Variants in GABRG3 observed in about 807,000 individuals in gnomAD.
GABRG3 encodes the protein gamma-aminobutyric acid receptor subunit gamma-3.
A neutral mutation model predicts 48.8 loss-of-function variants in GABRG3; 25 were observed. The ratio of observed to expected loss-of-function variants is 0.51; its 90% CI spans 0.37 to 0.72. The LOEUF is 0.72. Ranked by LOEUF, GABRG3 falls within the 30% of genes least tolerant of loss-of-function variation. The pLI is 0.00. For synonymous variants in GABRG3, 227 were observed against 217.6 expected, an observed-to-expected ratio of 1.04 and a Z score of -0.38; for missense variants, 394 against 577.9, an observed-to-expected ratio of 0.68 and a Z score of 3.26.
At chr15:27,433,555 G>A (rs949446528) in intron 5 of GABRG3, among the ~76,000 whole-genome samples, 9 of 152,268 alleles carry the variant, frequency 5.9e-5, no homozygotes, top group East Asian at 1.9e-4. Flanking sequence ...ATTTTCAGAC[G>A]TCTTTACTCT....
intron 3 of GABRG3, among the ~76,000 whole-genome samples, chr15:27,308,533 T>G (rs549312882): frequency 1.4e-5 from 2 of 147,540 alleles, no homozygotes; most frequent in South Asian, 2.2e-4. Context: ...CATGTTTATA[T>G]AAACATATAT....
At position 27,011,584 on chromosome 15, in the gene GABRG3, A is replaced by G. The variant is rs373000381; in HGVS notation, c.203-15170A>G. Among the ~76,000 whole-genome samples the G allele has an allele frequency of 1.4e-4, 22 of 152,118 alleles. No individual in the cohort carries two copies. The East Asian group carries it at 3.1e-3, about 21-fold the overall frequency. On this transcript the variant is annotated intron_variant, in intron 2 of 9. Coordinates refer to ENST00000615808, the MANE Select transcript of GABRG3 (RefSeq NM_033223.5). ...AATTCTAGGCTGGGCGCGGTGGCTC[A>G]CGCCTGTAATCCCAGCACTTTGGGA... is the stretch of plus-strand genomic sequence containing the variant.
chr15:27,022,606 A>G (rs1040158070), intron 2 of GABRG3, among the ~76,000 whole-genome samples: 4 of 152,202 alleles, frequency 2.6e-5, no homozygotes, highest in Non-Finnish European at 5.9e-5. Flanking sequence ...CCTTTTGACC[A>G]TGACAGGATT....
intron 2 of GABRG3, among the ~76,000 whole-genome samples, chr15:26,990,705 C>T (rs987839655): frequency 1.3e-5 from 2 of 151,900 alleles, no homozygotes; most frequent in African/African-American, 2.4e-5. Context: ...AATTTTTGCT[C>T]AGACCAGTGT....
At chr15:27,237,138 G>T (rs1482231817) in intron 3 of GABRG3, among the ~76,000 whole-genome samples, 1 of 152,210 alleles carries the variant, frequency 6.6e-6, no homozygotes. Flanking sequence ...ATGAAGCCTA[G>T]AATGGCTGTG....
At chr15:27,233,168 G>C (rs1182073534) in intron 3 of GABRG3, among the ~76,000 whole-genome samples, 1 of 152,192 alleles carries the variant, frequency 6.6e-6, no homozygotes, top group African/African-American at 2.4e-5. Context: ...GGTGGGGAAG[G>C]CCTCCTGGAG....
chr15:27,145,649 CTATCTATCTATCTATT>C lies in GABRG3; in HGVS notation c.270+118829_270+118844del, dbSNP rs1292538537. 6.1e-4 allele frequency among the ~76,000 whole-genome samples: 92 copies of C among 150,230 alleles called. 1 individual carries two copies. Among genetic ancestry groups the C allele is most frequent in the African/African-American group, 2.0e-3 (82 of 40,350 alleles). On this transcript the variant is annotated intron_variant, in intron 3 of 9. Transcript: ENST00000615808. ...TCTATCTATCTATCTATCTATCTAT[CTATCTATCTATCTATT>C]GTGCCAGAAGGAGAGGTGAGAAAGA...
At position 27,142,841 on chromosome 15, in the gene GABRG3, A is replaced by C. The variant is rs1898129687; in HGVS notation, c.270+116020A>C. Among the ~76,000 whole-genome samples the C allele has an allele frequency of 2.0e-5, 3 of 151,640 alleles. No homozygotes were observed. The South Asian group carries it at 6.2e-4, about 31-fold the overall frequency. Reference sequence around the variant, plus strand: ...CAGACTGGAGTGCAGTGGTGTAACCATGGCTCCTCAAGTGACGCTCCTACC... The same window carrying C: ...CAGACTGGAGTGCAGTGGTGTAACCCTGGCTCCTCAAGTGACGCTCCTACC... On this transcript the variant is annotated intron_variant, in intron 3 of 9. Transcript: ENST00000615808.
intron 3 of GABRG3, among the ~76,000 whole-genome samples, chr15:27,134,795 C>T (rs1413778896): frequency 6.6e-6 from 1 of 152,200 alleles, no homozygotes; most frequent in East Asian, 1.9e-4. Context: ...ATTGAATACT[C>T]TTTCCAAAGC....
intron 3 of GABRG3, among the ~76,000 whole-genome samples, chr15:27,100,974 G>T (rs1416422181): frequency 5.3e-5 from 8 of 152,068 alleles, no homozygotes; most frequent in African/African-American, 7.2e-5. Flanking sequence ...ACCTGCACGT[G>T]GCAAGAATAA....
chr15:27,537,807 ATTTTTAT>A lies in GABRG3; in HGVS notation c.*4928_*4934del, dbSNP rs1566886246. The A allele has an allele frequency of 1.7e-4, 25 of 148,776 alleles. No individual in the cohort carries two copies. In the East Asian group the frequency reaches 3.1e-3, roughly 19 times the overall value. The allele number at this position is 148,776 out of a possible 1,614,324, so 9.2% of individuals were successfully genotyped here. On this transcript the variant is annotated 3_prime_UTR_variant, in exon 10 of 10. Transcript: ENST00000615808. ...CAAAAGGCAGACTTTCTTTATATTTATTTTTATTATTTATTTATTTATTTATTTATTT... is the reference window on the plus strand; with the variant it reads ...CAAAAGGCAGACTTTCTTTATATTTATATTTATTTATTTATTTATTTATTT...
chr15:27,400,989 C>A (rs973279671), intron 5 of GABRG3, among the ~76,000 whole-genome samples: 1 of 152,176 alleles, frequency 6.6e-6, no homozygotes, highest in African/African-American at 2.4e-5. Flanking sequence ...AATCTTTGAA[C>A]CTAGATGTAA....
intron 3 of GABRG3, among the ~76,000 whole-genome samples, chr15:27,096,909 C>T (rs1343934231): frequency 8.2e-5 from 12 of 147,196 alleles, no homozygotes; most frequent in Non-Finnish European, 1.5e-4. Context: ...GGCCCAATCT[C>T]GGCTCACTGC....
intron 3 of GABRG3, among the ~76,000 whole-genome samples, chr15:27,177,261 C>T (rs528269913): frequency 3.3e-5 from 5 of 152,164 alleles, no homozygotes; most frequent in South Asian, 4.2e-4. Context: ...TTGGTTGCCA[C>T]AATGCAAAAG....
chr15:27,400,890 A>G (rs4303438), intron 5 of GABRG3, among the ~76,000 whole-genome samples: 8,984 of 152,242 alleles, frequency 0.059, 356 homozygotes, highest in South Asian at 0.19. Context: ...TGGCTCACAC[A>G]ACTACAGAAT....
intron 5 of GABRG3, among the ~76,000 whole-genome samples, chr15:27,367,864 C>T (rs1030015684): frequency 1.3e-5 from 2 of 152,160 alleles, no homozygotes; most frequent in African/African-American, 4.8e-5. Flanking sequence ...TGAGAGAAGA[C>T]AAATTGGACC....
intron 3 of GABRG3, among the ~76,000 whole-genome samples, chr15:27,078,407 A>G (rs1428621480): frequency 6.6e-6 from 1 of 152,142 alleles, no homozygotes; most frequent in Non-Finnish European, 1.5e-5. Flanking sequence ...TGGGGTTTTG[A>G]TCACTTACTT....
At chr15:27,528,198 T>C (rs1258613475) in intron 9 of GABRG3, among the ~76,000 whole-genome samples, 1 of 152,196 alleles carries the variant, frequency 6.6e-6, no homozygotes, top group Non-Finnish European at 1.5e-5. Flanking sequence ...TCATAATCCT[T>C]CTACATGGGG....
chr15:27,138,308 A>T (rs1898044901), intron 3 of GABRG3, among the ~76,000 whole-genome samples: 1 of 152,170 alleles, frequency 6.6e-6, no homozygotes, highest in African/African-American at 2.4e-5. Flanking sequence ...TCTAAACTGG[A>T]TAAACACAAA....
Sources: gnomAD v4.1 joint callset for allele counts (sites outside exome capture counted in the v4.1 genomes callset) on GRCh38, gnomAD v4.1.1 for gene constraint, MANE v1.5 for transcripts, NCBI Gene and HGNC (gene_info 2026-07-23, HGNC 2026-07-21) for gene names.